The following CACNA1D variants were observed in gnomAD, a reference collection of about 807,000 sequenced individuals.
The protein encoded by CACNA1D is calcium voltage-gated channel subunit alpha1 D, also known as voltage-dependent L-type calcium channel subunit alpha-1D.
In CACNA1D, 55 loss-of-function variants were observed where a neutral mutation model predicts 257.1. That is an observed-to-expected ratio of 0.21 (90% CI 0.17 to 0.27). The LOEUF is 0.27. CACNA1D is among the 10% of genes least tolerant of loss of function. The pLI, the probability that CACNA1D is intolerant of heterozygous loss-of-function variation, is 1.00. For missense variants in CACNA1D, 1,876 were observed against 2,784.0 expected (o/e 0.67, Z 7.34); for synonymous variants, 980 against 1,014.9 (o/e 0.97, Z 0.65).
chr3:53,621,590 CAA>C (rs761298519), intron 3 of CACNA1D, among the ~76,000 whole-genome samples: 12 of 152,178 alleles, frequency 7.9e-5, no homozygotes, highest in Non-Finnish European at 1.8e-4. Context: ...AGACAGGGCA[CAA>C]AAAGCAATCA....
intron 3 of CACNA1D, among the ~76,000 whole-genome samples, chr3:53,602,339 T>C (rs1383506016): frequency 6.6e-6 from 1 of 152,256 alleles, no homozygotes; most frequent in Non-Finnish European, 1.5e-5. Context: ...TGCCACACTT[T>C]CATTATCTCT....
chr3:53,592,025 T>C (rs1186067794), intron 3 of CACNA1D, among the ~76,000 whole-genome samples: 1 of 152,238 alleles, frequency 6.6e-6, no homozygotes, highest in Non-Finnish European at 1.5e-5. Flanking sequence ...CTCTCGTTCC[T>C]TCAGCAGTTC....
intron 6 of CACNA1D, 94 bp from the exon 7 acceptor site, chr3:53,666,245 G>A (rs1312311344): frequency 2.6e-6 from 3 of 1,167,526 alleles, no homozygotes; most frequent in African/African-American, 3.0e-5. Flanking sequence ...GCGGTAGGGT[G>A]TCCCGGGCTC....
At chr3:53,684,423 A>G (rs984036671) in intron 8 of CACNA1D, among the ~76,000 whole-genome samples, 1 of 152,118 alleles carries the variant, frequency 6.6e-6, no homozygotes, top group East Asian at 1.9e-4. Context: ...GGAGTTTGAG[A>G]CTAGCCTGAC....
At chr3:53,745,027 TGAA>T (rs1347380538) in intron 23 of CACNA1D, among the ~76,000 whole-genome samples, 200 bp downstream of exon 23, 1 of 152,238 alleles carries the variant, frequency 6.6e-6, no homozygotes, top group African/African-American at 2.4e-5. Flanking sequence ...TTTTGGTAAT[TGAA>T]GATATTTTTC....
chr3:53,706,919 C>T (rs1183666118), intron 9 of CACNA1D, among the ~76,000 whole-genome samples: 1 of 152,166 alleles, frequency 6.6e-6, no homozygotes, highest in Admixed American at 6.5e-5. Context: ...TCTCCTAGAC[C>T]GCTAACCAGC....
At chr3:53,695,250 G>A (rs2094563020) in intron 8 of CACNA1D, among the ~76,000 whole-genome samples, 2 of 152,108 alleles carry the variant, frequency 1.3e-5, no homozygotes, top group Non-Finnish European at 2.9e-5. Context: ...ATCTGGTGTC[G>A]CTGCCGAGTC....
Position 53,770,560 on chromosome 3 carries a change from C to T in CACNA1D, c.4044+8C>T. On this transcript the variant is annotated splice_region_variant and intron_variant, in intron 32 of 47. Coordinates refer to ENST00000350061, the MANE Select transcript of CACNA1D (RefSeq NM_001128840.3). Reference sequence around the variant, plus strand: ...TTTATTAAGTCCTTTCAGGTAAGAGCCATGCCAAGGACTTCTCTCTTTGTC... The same window carrying T: ...TTTATTAAGTCCTTTCAGGTAAGAGTCATGCCAAGGACTTCTCTCTTTGTC... 6.2e-7 allele frequency: 1 copy of T among 1,613,208 alleles called. No homozygotes were observed. The highest frequency in any genetic ancestry group is 8.5e-7 in the Non-Finnish European group (1 of 1,179,192).
chr3:53,638,170 G>A (rs1190963619), intron 3 of CACNA1D, among the ~76,000 whole-genome samples: 2 of 152,190 alleles, frequency 1.3e-5, no homozygotes, highest in Non-Finnish European at 2.9e-5. Context: ...GAATGGAGTT[G>A]GGGTAAGATT....
intron 3 of CACNA1D, among the ~76,000 whole-genome samples, chr3:53,541,862 G>T (rs1335741189): frequency 6.6e-6 from 1 of 152,086 alleles, no homozygotes; most frequent in African/African-American, 2.4e-5. Context: ...CTCCCTCCAG[G>T]ACATCATTTA....
intron 28 of CACNA1D, 142 bp from the exon 29 acceptor site, chr3:53,753,430 G>T: frequency 1.4e-6 from 1 of 719,082 alleles, no homozygotes; most frequent in Non-Finnish European, 2.6e-6. Context: ...ACATGACCTT[G>T]CAATGCCGGT....
chr3:53,645,888 T>TG (rs977584713), intron 3 of CACNA1D, among the ~76,000 whole-genome samples: 1 of 152,196 alleles, frequency 6.6e-6, no homozygotes, highest in Non-Finnish European at 1.5e-5. Context: ...GGATGTGGAA[T>TG]GGTTCCACTG....
chr3:53,627,117 G>A (rs938102312), intron 3 of CACNA1D, among the ~76,000 whole-genome samples: 15 of 152,220 alleles, frequency 9.9e-5, no homozygotes, highest in African/African-American at 3.6e-4. Flanking sequence ...GGTCTGACAG[G>A]CATCTACGTG....
rs2106938739 is a variant in CACNA1D at position 53,812,737 on chromosome 3, C to T, written c.*1331C>T. Reference sequence around the variant, plus strand: ...CATAGGTGGATGAGATATAGCTGCTCTTGTCCTCTGGGGACTGGTGGTGCT... The same window carrying T: ...CATAGGTGGATGAGATATAGCTGCTTTTGTCCTCTGGGGACTGGTGGTGCT... On this transcript the variant is annotated 3_prime_UTR_variant, in exon 48 of 48. Coordinates refer to ENST00000350061, the MANE Select transcript of CACNA1D (RefSeq NM_001128840.3). 6.6e-6 allele frequency: 1 copy of T among 152,370 alleles called. No individual in the cohort carries two copies. The highest frequency in any genetic ancestry group is 2.4e-5 in the African/African-American group (1 of 41,572). 9.4% of individuals were successfully genotyped at this position (152,370 alleles called of 1,614,324 possible). A position where few individuals can be genotyped will look rare whatever the true frequency, so the allele number is the denominator to read the frequency against.
chr3:53,626,941 C>T lies in CACNA1D; in HGVS notation c.484-23838C>T, dbSNP rs377093714. Among the ~76,000 whole-genome samples the T allele has an allele frequency of 4.3e-4, 65 of 152,256 alleles. 1 individual carries two copies. The South Asian group carries it at 0.012, about 27-fold the overall frequency. ...CTGCCTTGCCACTGTAGTAAGGGGG[C>T]GTGGGCTGCTCTCCCTACCTCTCAG... On this transcript the variant is annotated intron_variant, in intron 3 of 47. Coordinates refer to ENST00000350061, the MANE Select transcript of CACNA1D (RefSeq NM_001128840.3).
chr3:53,709,670 G>C (rs2094728773), intron 9 of CACNA1D, among the ~76,000 whole-genome samples: 1 of 152,202 alleles, frequency 6.6e-6, no homozygotes, highest in Non-Finnish European at 1.5e-5. Context: ...AGCTGGCTTA[G>C]AGTGATCATG....
intron 2 of CACNA1D, among the ~76,000 whole-genome samples, chr3:53,500,174 G>T (rs565955103): frequency 6.9e-6 from 1 of 145,346 alleles, no homozygotes; most frequent in Non-Finnish European, 1.5e-5. Flanking sequence ...AGCAGATTGC[G>T]AGTCCAGAAG....
intron 32 of CACNA1D, among the ~76,000 whole-genome samples, chr3:53,770,986 C>T (rs1353439341): frequency 1.3e-5 from 2 of 152,208 alleles, no homozygotes; most frequent in Admixed American, 1.3e-4. Context: ...GAAACCACCA[C>T]CTGGGCCAGT....
chr3:53,809,652 T>C, intron 46 of CACNA1D: 1 of 412,768 alleles, frequency 2.4e-6, no homozygotes, highest in South Asian at 2.4e-5. Flanking sequence ...CAGCATGAAC[T>C]GGGTGGTGTG....
Sources: gnomAD v4.1 joint callset for allele counts (sites outside exome capture counted in the v4.1 genomes callset) on GRCh38, gnomAD v4.1.1 for gene constraint, MANE v1.5 for transcripts, NCBI Gene and HGNC (gene_info 2026-07-23, HGNC 2026-07-21) for gene names.